Variants in MTUS2 observed in about 807,000 individuals in gnomAD.
MTUS2 encodes the protein microtubule associated scaffold protein 2, also known as microtubule-associated tumor suppressor candidate 2.
In MTUS2, 40 loss-of-function variants were observed where a neutral mutation model predicts 114.1. That is an observed-to-expected ratio of 0.35 (90% CI 0.27 to 0.46). The LOEUF (loss-of-function observed/expected upper bound fraction) is 0.46, where lower values mean the gene tolerates loss of function less well. Among genes scored for constraint, MTUS2 ranks in the 20% least tolerant of loss-of-function variants. The pLI is 1.00. For missense variants in MTUS2, 1,679 were observed against 1,705.4 expected (o/e 0.98, Z 0.27); for synonymous variants, 688 against 672.0 (o/e 1.02, Z -0.37).
intron 8 of MTUS2, among the ~76,000 whole-genome samples, chr13:29,429,427 T>C (rs575710022): frequency 1.3e-5 from 2 of 152,284 alleles, no homozygotes; most frequent in East Asian, 1.9e-4. Flanking sequence ...CACAGAGAGA[T>C]GAATAAACAT....
At chr13:28,935,754 G>A (rs890200330) in intron 2 of MTUS2, among the ~76,000 whole-genome samples, 7 of 151,916 alleles carry the variant, frequency 4.6e-5, no homozygotes, top group Admixed American at 4.6e-4. Flanking sequence ...CCAAAGACCA[G>A]GCTCATTTTT....
chr13:29,358,430 C>G (rs1407278888), intron 7 of MTUS2, among the ~76,000 whole-genome samples: 1 of 152,246 alleles, frequency 6.6e-6, no homozygotes, highest in Non-Finnish European at 1.5e-5. Context: ...CCCACAGCCC[C>G]TCACATTCAC....
intron 2 of MTUS2, among the ~76,000 whole-genome samples, chr13:28,840,665 C>T (rs535342096): frequency 6.6e-6 from 1 of 152,318 alleles, no homozygotes; most frequent in Non-Finnish European, 1.5e-5. Flanking sequence ...TGCTCTTCCA[C>T]AGTGCACAAC....
At chr13:29,043,898 T>C (rs1593415172) in intron 4 of MTUS2, among the ~76,000 whole-genome samples, 1 of 152,180 alleles carries the variant, frequency 6.6e-6, no homozygotes, top group East Asian at 1.9e-4. Flanking sequence ...TCTATGTCTC[T>C]CCTGGCATTT....
At chr13:29,408,193 A>G (rs1011658491) in intron 8 of MTUS2, among the ~76,000 whole-genome samples, 2 of 152,052 alleles carry the variant, frequency 1.3e-5, no homozygotes, top group Admixed American at 6.6e-5. Flanking sequence ...ATAATGTATC[A>G]TTATTTTTCT....
chr13:29,322,401 C>A (rs1437293485), intron 6 of MTUS2, among the ~76,000 whole-genome samples: 1 of 152,158 alleles, frequency 6.6e-6, no homozygotes, highest in African/African-American at 2.4e-5. Flanking sequence ...AGTGGCTGGG[C>A]TTTCCATACC....
intron 8 of MTUS2, among the ~76,000 whole-genome samples, chr13:29,376,008 TG>T: frequency 1.0e-5 from 1 of 99,792 alleles, no homozygotes; most frequent in East Asian, 3.0e-4. Context: ...TATGTGTGTG[TG>T]TGTGTATGTA....
chr13:29,167,246 G>A (rs1441507332), intron 5 of MTUS2, among the ~76,000 whole-genome samples: 2 of 151,964 alleles, frequency 1.3e-5, no homozygotes, highest in Non-Finnish European at 2.9e-5. Flanking sequence ...GTGGTTGCGG[G>A]CGCCTGTAGT....
intron 9 of MTUS2, among the ~76,000 whole-genome samples, chr13:29,459,110 C>T (rs982382249): frequency 2.0e-5 from 3 of 152,182 alleles, no homozygotes; most frequent in Non-Finnish European, 4.4e-5. Context: ...TGGACCCAAG[C>T]GGAGTCACTT....
chr13:28,959,301 C>T (rs1883213534), intron 2 of MTUS2, among the ~76,000 whole-genome samples: 2 of 152,154 alleles, frequency 1.3e-5, no homozygotes, highest in Admixed American at 6.5e-5. Context: ...AGCCTAGGCT[C>T]CCCATCTTCT....
At chr13:29,151,024 GCT>G (rs1485711882) in intron 5 of MTUS2, among the ~76,000 whole-genome samples, 1 of 151,906 alleles carries the variant, frequency 6.6e-6, no homozygotes, top group African/African-American at 2.4e-5. Context: ...GGTTATTTGG[GCT>G]CTTTTTTGGT....
At chr13:29,155,239 C>A (rs191567654) in intron 5 of MTUS2, among the ~76,000 whole-genome samples, 24 of 152,294 alleles carry the variant, frequency 1.6e-4, no homozygotes, top group Non-Finnish European at 2.8e-4. Context: ...TGAAGAGATG[C>A]GTGGGTTTTT....
At chr13:28,964,445 G>A (rs934895153) in intron 2 of MTUS2, among the ~76,000 whole-genome samples, 2 of 151,978 alleles carry the variant, frequency 1.3e-5, no homozygotes, top group Admixed American at 6.6e-5. Context: ...ATAAAATTCC[G>A]ACCCATTAAC....
intron 5 of MTUS2, among the ~76,000 whole-genome samples, chr13:29,160,360 G>T (rs1356127005): frequency 6.6e-6 from 1 of 152,140 alleles, no homozygotes; most frequent in Non-Finnish European, 1.5e-5. Flanking sequence ...TTTATTGTGA[G>T]AATACAGTAT....
intron 1 of MTUS2, among the ~76,000 whole-genome samples, chr13:28,831,802 G>A (rs1221046423): frequency 2.0e-5 from 3 of 151,644 alleles, no homozygotes; most frequent in Non-Finnish European, 4.4e-5. Flanking sequence ...TGCTGCTCAG[G>A]CTGGAGTGCA....
chr13:29,503,496 A>C lies in MTUS2; in HGVS notation c.*290A>C, dbSNP rs1883049367. The C allele has an allele frequency of 7.4e-6, 4 of 539,802 alleles. No individual in the cohort carries two copies. The highest frequency in any genetic ancestry group is 1.9e-5 in the African/African-American group (1 of 52,952). 33.4% of individuals were successfully genotyped at this position (539,802 alleles called of 1,614,324 possible). ...AACTTTCACTGCAGAATTTCAGGTT[A>C]GTTACAAAAAGCTCAGTTTTCAATA... On this transcript the variant is annotated 3_prime_UTR_variant, in exon 16 of 16. Coordinates refer to ENST00000612955, the MANE Select transcript of MTUS2 (RefSeq NM_001033602.4).
rs1276340001 is a variant in MTUS2, at chr13:29,034,104, C to G, written c.2425C>G (p.Leu809Val). Residue 809 changes from leucine (L) to valine (V), a missense_variant, in exon 4 of 16, where the codon CTC becomes GTC. By Grantham distance (32) the Leu-to-Val change is conservative. Coordinates refer to ENST00000612955, the MANE Select transcript of MTUS2 (RefSeq NM_001033602.4). Reference protein sequence around the residue: ...PPGPITTATSLYSSDPSADLK... With the variant: ...PPGPITTATSVYSSDPSADLK... ...AGGACCCATAACAACAGCCACCAGT[C>G]TCTACAGTTCCGATCCTTCAGGTAA... The G allele has an allele frequency of 6.2e-7, 1 of 1,613,922 alleles. No individual in the cohort carries two copies. The highest frequency in any genetic ancestry group is 1.7e-5 in the Admixed American group (1 of 60,008).
At chr13:29,020,568 A>G (rs1022219185) in intron 2 of MTUS2, among the ~76,000 whole-genome samples, 1 of 152,228 alleles carries the variant, frequency 6.6e-6, no homozygotes, top group Non-Finnish European at 1.5e-5. Flanking sequence ...CTTCCTGTAT[A>G]TAATTTTGCC....
intron 5 of MTUS2, among the ~76,000 whole-genome samples, chr13:29,162,206 C>T (rs1345973784): frequency 6.6e-6 from 1 of 152,300 alleles, no homozygotes; most frequent in South Asian, 2.1e-4. Flanking sequence ...ATGACCTCAT[C>T]TTAACTTGAT....
Sources: allele counts gnomAD v4.1 joint callset (sites outside exome capture counted in the v4.1 genomes callset), GRCh38; gene constraint gnomAD v4.1.1; transcripts MANE v1.5; gene names NCBI Gene and HGNC (gene_info 2026-07-23, HGNC 2026-07-21).